FDFT1: variants seen among roughly 807,000 people sequenced by gnomAD.
FDFT1 encodes the protein farnesyl-diphosphate farnesyltransferase 1, also known as squalene synthase.
Under a neutral mutation model 46.8 loss-of-function variants are expected in FDFT1, and 68 were observed. The observed-to-expected ratio is 1.45, with a 90% CI of 1.19 to 1.78. FDFT1 has a LOEUF of 1.78. FDFT1 is among the 40% of genes most tolerant of loss of function. The pLI is 0.00. For missense variants in FDFT1, 928 were observed against 524.4 expected (o/e 1.77, Z -7.52); for synonymous variants, 351 against 185.1 (o/e 1.90, Z -7.28).
At chr8:11,827,702 A>T (rs951851063) in intron 5 of FDFT1, among the ~76,000 whole-genome samples, 6 of 152,166 alleles carry the variant, frequency 3.9e-5, no homozygotes, top group Non-Finnish European at 7.4e-5. Context: ...GATTATTAAA[A>T]ATCTGAAAAG....
rs1172285479 is a variant in FDFT1, at chr8:11,831,531, C to G, written c.893C>G (p.Ala298Gly). Residue 298 changes from alanine to glycine, a missense_variant, in exon 7 of 8, where the codon GCC (alanine) becomes GGC (glycine). Ala to Gly is a moderately conservative substitution (Grantham distance 60). Transcript: ENST00000220584. Reference protein sequence around the residue: ...FCAIPQVMAIATLAACYNNQQ... With the variant: ...FCAIPQVMAIGTLAACYNNQQ... ...TGTTGTCTCTAGGTGATGGCCATTG[C>G]CACTTTGGCTGCCTGTTATAATAAC... 8 of 1,614,000 alleles carry G rather than the reference C, an allele frequency of 5.0e-6. No individual in the cohort carries two copies. The highest frequency in any genetic ancestry group is 6.8e-6 in the Non-Finnish European group (8 of 1,179,882).
At chr8:11,835,817 A>G (rs1811456701) in intron 7 of FDFT1, among the ~76,000 whole-genome samples, 1 of 152,024 alleles carries the variant, frequency 6.6e-6, no homozygotes, top group Non-Finnish European at 1.5e-5. Flanking sequence ...AGTTGCTCTG[A>G]GAAGGTAAGT....
chr8:11,809,624 G>A, intron 2 of FDFT1, 43 bp from the exon 3 acceptor site: 1 of 1,521,324 alleles, frequency 6.6e-7, no homozygotes, highest in South Asian at 1.3e-5. Context: ...AAAAATCTTT[G>A]GCTGTTTGTT....
intron 6 of FDFT1, among the ~76,000 whole-genome samples, chr8:11,830,756 TATC>T (rs1346377008): frequency 6.6e-6 from 1 of 152,218 alleles, no homozygotes; most frequent in Non-Finnish European, 1.5e-5. Context: ...GTGAAGCTGT[TATC>T]ATTAAAAAGT....
chr8:11,817,661 T>C (rs1368577586), intron 3 of FDFT1, among the ~76,000 whole-genome samples: 2 of 152,232 alleles, frequency 1.3e-5, no homozygotes, highest in South Asian at 4.1e-4. Context: ...ATAGAGGTGT[T>C]GATAGTATTC....
intron 7 of FDFT1, among the ~76,000 whole-genome samples, chr8:11,836,728 T>C (rs765609097): frequency 2.0e-5 from 3 of 152,244 alleles, no homozygotes; most frequent in African/African-American, 4.8e-5. Context: ...TATTTTACTT[T>C]ATGGATGCTT....
chr8:11,797,285 A>G (rs1011844533), upstream of FDFT1, among the ~76,000 whole-genome samples: 1 of 152,160 alleles, frequency 6.6e-6, no homozygotes, highest in Non-Finnish European at 1.5e-5. Context: ...TGTTTAAGCC[A>G]TGGTTCTGTT....
intron 2 of FDFT1, chr8:11,809,196 A>T (rs1377935665): frequency 8.2e-7 from 1 of 1,219,688 alleles, no homozygotes; most frequent in Non-Finnish European, 1.0e-6. Flanking sequence ...GGCTTCCCTT[A>T]TCCAACTTTG....
At chr8:11,819,363 T>A (rs1488103531) in intron 3 of FDFT1, among the ~76,000 whole-genome samples, 1 of 152,184 alleles carries the variant, frequency 6.6e-6, no homozygotes. Context: ...TTTGTGGTGT[T>A]CTCTGTATTT....
At chr8:11,813,343 A>G (rs1253529321) in intron 3 of FDFT1, among the ~76,000 whole-genome samples, 1 of 152,204 alleles carries the variant, frequency 6.6e-6, no homozygotes, top group East Asian at 1.9e-4. Flanking sequence ...AATAGTGTTC[A>G]CTTATTGAGC....
At chr8:11,836,457 A>G (rs1811548810) in intron 7 of FDFT1, among the ~76,000 whole-genome samples, 1 of 152,236 alleles carries the variant, frequency 6.6e-6, no homozygotes, top group African/African-American at 2.4e-5. Flanking sequence ...CCCACAACCC[A>G]GAGGAGGTGA....
chr8:11,801,675 A>G (rs573956787), upstream of FDFT1: 1,051 of 299,480 alleles, frequency 3.5e-3, 4 homozygotes, highest in Non-Finnish European at 5.2e-3. Context: ...AGACTGCAGG[A>G]TGGCTTAGGT....
At chr8:11,798,100 G>C (rs962051112), upstream of FDFT1, 1 of 133,350 alleles carries the variant, frequency 7.5e-6, no homozygotes, top group Non-Finnish European at 1.7e-5. Flanking sequence ...TTTTTGAGAC[G>C]GAGTCTCACT....
upstream of FDFT1, among the ~76,000 whole-genome samples, chr8:11,797,581 C>T (rs373768739): frequency 7.7e-6 from 1 of 130,370 alleles, no homozygotes; most frequent in Non-Finnish European, 1.5e-5. Context: ...ATCCTTAATC[C>T]TAGGAGTTTG....
intron 4 of FDFT1, among the ~76,000 whole-genome samples, chr8:11,823,945 C>T (rs763749753): frequency 6.6e-6 from 1 of 152,042 alleles, no homozygotes; most frequent in Admixed American, 6.6e-5. Flanking sequence ...AGGGTTTCAT[C>T]GTGTTGCCTA....
intron 4 of FDFT1, among the ~76,000 whole-genome samples, chr8:11,823,146 G>C (rs562402286): frequency 3.4e-4 from 51 of 152,114 alleles, no homozygotes; most frequent in African/African-American, 1.0e-3. Flanking sequence ...TGTAGAGAGA[G>C]GGTTTTGCCA....
chr8:11,837,480 C>A (rs187704037), intron 7 of FDFT1, among the ~76,000 whole-genome samples: 2 of 152,286 alleles, frequency 1.3e-5, no homozygotes, highest in African/African-American at 4.8e-5. Flanking sequence ...AGTCTACGTG[C>A]CTCAGCCTCC....
chr8:11,809,373 C>A (rs537032941), intron 2 of FDFT1: 16 of 1,143,734 alleles, frequency 1.4e-5, no homozygotes, highest in Non-Finnish European at 1.7e-5. Flanking sequence ...TCGGTCTAAA[C>A]GTTTGGTCTT....
intron 5 of FDFT1, among the ~76,000 whole-genome samples, 188 bp from the exon 6 acceptor site, chr8:11,830,056 C>G (rs1209897821): frequency 6.6e-6 from 1 of 152,158 alleles, no homozygotes; most frequent in African/African-American, 2.4e-5. Flanking sequence ...CCACCTTGGC[C>G]AGGCTGGTCT....
Sources: gnomAD v4.1 joint callset for allele counts (sites outside exome capture counted in the v4.1 genomes callset) on GRCh38, gnomAD v4.1.1 for gene constraint, MANE v1.5 for transcripts, NCBI Gene and HGNC (gene_info 2026-07-23, HGNC 2026-07-21) for gene names.